Variants in MTARC2 observed in about 807,000 individuals in gnomAD.
The protein encoded by MTARC2 is MOCO sulphurase C-terminal domain containing 2.
MTARC2 carries 27 observed loss-of-function variants against 35.6 expected under a neutral mutation model. That is an observed-to-expected ratio of 0.76 (90% CI 0.56 to 1.04). MTARC2 has a LOEUF of 1.04. MTARC2 is among the 50% of genes least tolerant of loss of function. The probability of loss-of-function intolerance (pLI) is 0.00; values close to 1 mark genes in which losing one functional copy is unlikely to be tolerated. For missense variants in MTARC2, 412 were observed against 432.5 expected, an observed-to-expected ratio of 0.95 and a Z score of 0.42; for synonymous variants, 158 against 167.1, an observed-to-expected ratio of 0.95 and a Z score of 0.42.
At chr1:220,774,736 T>C (rs1231036888) in intron 4 of MTARC2, among the ~76,000 whole-genome samples, 1 of 152,216 alleles carries the variant, frequency 6.6e-6, no homozygotes, top group Non-Finnish European at 1.5e-5. Context: ...TGCAGGCTCT[T>C]TCCACCTCAC....
chr1:220,757,213 C>T (rs1671304423), intron 2 of MTARC2, among the ~76,000 whole-genome samples: 1 of 152,200 alleles, frequency 6.6e-6, no homozygotes, highest in Non-Finnish European at 1.5e-5. Context: ...GAAGCCTCTT[C>T]TTATGTAATT....
chr1:220,748,868 T>A (rs1210871566), intron 1 of MTARC2, 65 bp downstream of exon 1: 6 of 1,473,476 alleles, frequency 4.1e-6, no homozygotes, highest in South Asian at 2.7e-5. Context: ...GGGGGGCAGG[T>A]GGGGCCCGAT....
intron 1 of MTARC2, chr1:220,754,426 T>C (rs1468377970): frequency 2.2e-6 from 1 of 456,352 alleles, no homozygotes; most frequent in Non-Finnish European, 4.4e-6. Context: ...GACCCCCGCA[T>C]GCCGCGGCAA....
At chr1:220,765,398 G>C (rs941728602) in intron 4 of MTARC2, among the ~76,000 whole-genome samples, 1 of 152,174 alleles carries the variant, frequency 6.6e-6, no homozygotes, top group African/African-American at 2.4e-5. Flanking sequence ...TGAGGAGCTG[G>C]TAATAACTCT....
At chr1:220,751,516 A>T (rs1671125378) in intron 1 of MTARC2, among the ~76,000 whole-genome samples, 1 of 152,100 alleles carries the variant, frequency 6.6e-6, no homozygotes, top group Non-Finnish European at 1.5e-5. Context: ...TAAGTTTATT[A>T]TTGTCCAGGG....
chr1:220,748,582 G>C lies in MTARC2; in HGVS notation c.51G>C (p.Arg17=). 1 of 1,456,974 alleles carries C rather than the reference G, an allele frequency of 6.9e-7. No individual in the cohort carries two copies. Among genetic ancestry groups the C allele is most frequent in the Non-Finnish European group, 9.0e-7 (1 of 1,113,846 alleles). The allele number at this position is 1,456,974 out of a possible 1,614,324, so 90.3% of individuals were successfully genotyped here. A position where few individuals can be genotyped will look rare whatever the true frequency, so the allele number is the denominator to read the frequency against. The change falls in exon 1 of 8, where the codon CGG becomes CGC. Residue 17 remains arginine (R), a synonymous_variant. Transcript: ENST00000366913. ...SALARLGLPA[R]PWPRWLGVAA... is the part of the protein sequence containing the mutation. ...TGGCCCGCCTCGGCCTCCCAGCCCGGCCCTGGCCCAGGTGGCTCGGGGTCG... is the reference window on the plus strand; with the variant it reads ...TGGCCCGCCTCGGCCTCCCAGCCCGCCCCTGGCCCAGGTGGCTCGGGGTCG...
At chr1:220,761,348 A>G (rs1011908826) in intron 2 of MTARC2, among the ~76,000 whole-genome samples, 8 of 152,240 alleles carry the variant, frequency 5.3e-5, no homozygotes, top group Non-Finnish European at 1.0e-4. Flanking sequence ...ACGTTCATGG[A>G]CCAGCAGCTT....
chr1:220,765,375 A>C (rs1422291490), intron 4 of MTARC2, among the ~76,000 whole-genome samples: 1 of 152,200 alleles, frequency 6.6e-6, no homozygotes, highest in Non-Finnish European at 1.5e-5. Context: ...TTTGGATTTT[A>C]TACTGTGGAT....
At chr1:220,777,073 G>A (rs1671938735) in intron 4 of MTARC2, among the ~76,000 whole-genome samples, 2 of 152,242 alleles carry the variant, frequency 1.3e-5, no homozygotes, top group Admixed American at 1.3e-4. Flanking sequence ...CTGGCTAGGA[G>A]TGCTTGTAAT....
At chr1:220,767,317 T>G (rs562606914) in intron 4 of MTARC2, among the ~76,000 whole-genome samples, 4 of 152,204 alleles carry the variant, frequency 2.6e-5, no homozygotes, top group Non-Finnish European at 4.4e-5. Flanking sequence ...GTAAAATGAA[T>G]ATTCAATAGG....
At position 220,780,027 on chromosome 1, in the gene MTARC2, G is replaced by A; in HGVS notation, c.760G>A (p.Asp254Asn). The change falls in exon 5 of 8, where the codon GAT becomes AAT. Residue 254 changes from aspartate to asparagine, a missense_variant. Physicochemically the swap from Asp to Asn is conservative, Grantham distance 23 (BLOSUM62 1). Coordinates refer to ENST00000366913, the MANE Select transcript of MTARC2 (RefSeq NM_017898.5). ...GCDAFEEDTW[D>N]ELLIGSVEVK... The stretch of plus-strand genomic sequence containing the variant: ...TTCTCTTTTCTCTTAGGATACCTGG[G>A]ATGAACTCCTAATTGGTAGTGTAGA... The A allele has an allele frequency of 1.3e-6, 2 of 1,533,392 alleles. No individual in the cohort carries two copies. The highest frequency in any genetic ancestry group is 1.7e-6 in the Non-Finnish European group (2 of 1,151,338). The allele number at this position is 1,533,392 out of a possible 1,614,324, so 95.0% of individuals were successfully genotyped here.
chr1:220,762,434 C>T (rs1031648543), intron 3 of MTARC2, among the ~76,000 whole-genome samples: 10 of 152,214 alleles, frequency 6.6e-5, no homozygotes, highest in Non-Finnish European at 1.5e-4. Context: ...GAATTTCTCT[C>T]CATAGCCCCT....
intron 3 of MTARC2, 66 bp from the exon 4 acceptor site, chr1:220,762,844 G>A (rs1394977751): frequency 6.3e-7 from 1 of 1,576,712 alleles, no homozygotes; most frequent in Admixed American, 1.7e-5. Flanking sequence ...ACATTACTTA[G>A]CTTTGTAGTT....
At position 220,748,695 on chromosome 1, in the gene MTARC2, G is replaced by A. The variant is rs758504225; in HGVS notation, c.164G>A (p.Gly55Asp). 15 of 1,592,464 alleles carry A rather than the reference G, an allele frequency of 9.4e-6. No individual in the cohort carries two copies. The highest frequency in any genetic ancestry group is 1.4e-5 in the African/African-American group (1 of 74,026). The change falls in exon 1 of 8, where the codon GGC becomes GAC. Residue 55 changes from glycine (G) to aspartate (D), a missense_variant. Gly to Asp is a moderately conservative substitution (Grantham distance 94). Transcript: ENST00000366913. ...CGGCGCCGGCGGCTGCAGCAGGTGGGCACCGTGGCGAAGCTCTGGATCTAC... is the reference window on the plus strand; with the variant it reads ...CGGCGCCGGCGGCTGCAGCAGGTGGACACCGTGGCGAAGCTCTGGATCTAC... ...PRRRRRLQQVGTVAKLWIYPV... is the reference protein window; with the variant it reads ...PRRRRRLQQVDTVAKLWIYPV...
rs114655952 is a variant in MTARC2, at chr1:220,768,579, A to G, written c.750+5529A>G. 7.8e-3 allele frequency among the ~76,000 whole-genome samples: 1,182 copies of G among 152,236 alleles called. 14 individuals are homozygous for G. Among genetic ancestry groups the G allele is most frequent in the Admixed American group, 0.015 (224 of 15,288 alleles). Reference sequence around the variant, plus strand: ...CTACACAACTCTGCCACCTTGTTAAAGCCATTTTCAGGTCATTTGGCAAAC... The same window carrying G: ...CTACACAACTCTGCCACCTTGTTAAGGCCATTTTCAGGTCATTTGGCAAAC... On this transcript the variant is annotated intron_variant, in intron 4 of 7. Coordinates refer to ENST00000366913, the MANE Select transcript of MTARC2 (RefSeq NM_017898.5).
chr1:220,763,480 C>T (rs143702093), intron 4 of MTARC2, among the ~76,000 whole-genome samples: 67 of 152,274 alleles, frequency 4.4e-4, no homozygotes, highest in African/African-American at 1.3e-3. Context: ...CAATCTGCCC[C>T]GGAGACATAC....
At chr1:220,753,022 G>T (rs923193144) in intron 1 of MTARC2, among the ~76,000 whole-genome samples, 2 of 147,334 alleles carry the variant, frequency 1.4e-5, no homozygotes, top group African/African-American at 5.1e-5. Flanking sequence ...AGACCATCCT[G>T]GCTAACACGG....
intron 4 of MTARC2, among the ~76,000 whole-genome samples, chr1:220,773,719 T>C (rs1671808446): frequency 1.3e-5 from 2 of 152,164 alleles, no homozygotes; most frequent in South Asian, 4.1e-4. Context: ...CATCATGTAT[T>C]TGATGTCACA....
intron 1 of MTARC2, chr1:220,754,446 A>G (rs1671221828): frequency 1.1e-5 from 5 of 456,224 alleles, no homozygotes. Context: ...AGTTAAACAG[A>G]GCAGAGGCTG....
Sources: allele counts gnomAD v4.1 joint callset (sites outside exome capture counted in the v4.1 genomes callset), GRCh38; gene constraint gnomAD v4.1.1; transcripts MANE v1.5; gene names NCBI Gene and HGNC (gene_info 2026-07-23, HGNC 2026-07-21).